Variants in ATP2C2 observed in about 807,000 individuals in gnomAD.
The protein encoded by ATP2C2 is ATPase secretory pathway Ca2+ transporting 2.
Under a neutral mutation model 110.8 loss-of-function variants are expected in ATP2C2, and 171 were observed. The ratio of observed to expected loss-of-function variants is 1.54; its 90% CI spans 1.36 to 1.75. The LOEUF (loss-of-function observed/expected upper bound fraction) is 1.75, where lower values mean the gene tolerates loss of function less well. ATP2C2 is among the 40% of genes most tolerant of loss of function. ATP2C2 has a pLI of 0.00. For missense variants in ATP2C2, 1,963 were observed against 1,235.0 expected (o/e 1.59, Z -8.84); for synonymous variants, 804 against 508.4 (o/e 1.58, Z -7.82).
intron 13 of ATP2C2, 98 bp from the exon 14 acceptor site, chr16:84,440,759 T>G: frequency 1.2e-6 from 1 of 858,900 alleles, no homozygotes; most frequent in Non-Finnish European, 1.9e-6. Context: ...TTTAGGATTG[T>G]GTCCCTGGAA....
intron 1 of ATP2C2, among the ~76,000 whole-genome samples, chr16:84,378,325 C>A (rs757250134): frequency 6.6e-6 from 1 of 152,170 alleles, no homozygotes; most frequent in African/African-American, 2.4e-5. Flanking sequence ...AGGGCCCCTC[C>A]GTCGCCGGCC....
chr16:84,392,474 C>T (rs1180666484), intron 1 of ATP2C2, among the ~76,000 whole-genome samples: 4 of 152,088 alleles, frequency 2.6e-5, no homozygotes, highest in Admixed American at 6.5e-5. Flanking sequence ...TTGTGTTTTT[C>T]GTTTTGAGAT....
At chr16:84,446,477 C>T (rs758892330) in intron 16 of ATP2C2, 47 bp downstream of exon 16, 1 of 1,395,592 alleles carries the variant, frequency 7.2e-7, no homozygotes, top group Non-Finnish European at 9.8e-7. Flanking sequence ...TGCCCGGGCC[C>T]CCACCCAGAG....
At chr16:84,372,947 C>G (rs1204946973) in intron 1 of ATP2C2, among the ~76,000 whole-genome samples, 1 of 150,966 alleles carries the variant, frequency 6.6e-6, no homozygotes, top group East Asian at 2.0e-4. Flanking sequence ...ATGGTGAAAC[C>G]CCTCTCTACT....
chr16:84,440,920 A>C lies in ATP2C2; in HGVS notation c.1273A>C (p.Lys425Gln), dbSNP rs1361868859. Residue 425 changes from lysine (K) to glutamine (Q), a missense_variant, in exon 14 of 27, where the codon AAG (lysine) becomes CAG (glutamine). Physicochemically the swap from Lys to Gln is moderately conservative, Grantham distance 53. Transcript: ENST00000262429. ...VCLLPSKEVI[K>Q]EFSNVSVGKL... The stretch of plus-strand genomic sequence containing the variant: ...TCTTCTACCATCCAAGGAAGTCATT[A>C]AGGAATTTTCCAATGTCTCAGTGGG... The C allele has an allele frequency of 6.2e-7, 1 of 1,613,474 alleles. No individual in the cohort carries two copies. Among genetic ancestry groups the C allele is most frequent in the Non-Finnish European group, 8.5e-7 (1 of 1,179,942 alleles).
In ATP2C2 at chr16:84,448,520, T is replaced by C. The variant is rs1437103356; in HGVS notation, c.1504-13T>C. ...CCAGTGATAGTGGATTTCTTCCCTT[T>C]GTCTTTTCTAAGGATCAGGAAGACA... On this transcript the variant is annotated splice_polypyrimidine_tract_variant and intron_variant, in intron 16 of 26. Transcript: ENST00000262429. 1.2e-6 allele frequency: 2 copies of C among 1,601,994 alleles called. No homozygotes were observed. The highest frequency in any genetic ancestry group is 1.7e-6 in the Non-Finnish European group (2 of 1,171,440).
At chr16:84,448,311 A>T (rs1456771047) in intron 16 of ATP2C2, among the ~76,000 whole-genome samples, 1 of 152,204 alleles carries the variant, frequency 6.6e-6, no homozygotes, top group South Asian at 2.1e-4. Context: ...TACAGGTTGA[A>T]GATTGGCCTT....
intron 6 of ATP2C2, among the ~76,000 whole-genome samples, chr16:84,411,075 G>C (rs1424013022): frequency 1.3e-5 from 2 of 152,164 alleles, no homozygotes; most frequent in African/African-American, 2.4e-5. Flanking sequence ...ATAATGTGCA[G>C]AACTGTGTGC....
At chr16:84,421,683 C>T (rs191430047) in intron 7 of ATP2C2, among the ~76,000 whole-genome samples, 2 of 152,136 alleles carry the variant, frequency 1.3e-5, no homozygotes, top group South Asian at 4.1e-4. Flanking sequence ...TTAAGAGTAT[C>T]GTTTCTGGAA....
Position 84,430,880 on chromosome 16 carries a change from A to T in ATP2C2, c.986+5079A>T, listed in dbSNP as rs542104186. On this transcript the variant is annotated intron_variant, in intron 11 of 26. Coordinates refer to ENST00000262429, the MANE Select transcript of ATP2C2 (RefSeq NM_014861.4). ...TTCAAACCACTGAAGCCTGATCCAA[A>T]GCCGGGCTCCTTGTCAGCAACCCAA... Among the ~76,000 whole-genome samples, 9 of 152,200 alleles carry T rather than the reference A, an allele frequency of 5.9e-5. No homozygotes were observed. In the East Asian group the frequency reaches 1.7e-3, roughly 29 times the overall value.
intron 2 of ATP2C2, among the ~76,000 whole-genome samples, chr16:84,400,986 A>C (rs1905282535): frequency 6.6e-6 from 1 of 152,150 alleles, no homozygotes; most frequent in African/African-American, 2.4e-5. Context: ...TCAGATGGGT[A>C]GTTTGCAAAT....
At chr16:84,454,200 T>G (rs949775752) in intron 20 of ATP2C2, among the ~76,000 whole-genome samples, 5 of 152,268 alleles carry the variant, frequency 3.3e-5, no homozygotes, top group African/African-American at 1.2e-4. Flanking sequence ...GTCAGCTGAT[T>G]CACAGGGTTG....
At chr16:84,400,633 T>C (rs767039404) in intron 2 of ATP2C2, among the ~76,000 whole-genome samples, 3 of 152,188 alleles carry the variant, frequency 2.0e-5, no homozygotes, top group Non-Finnish European at 4.4e-5. Context: ...AGCGTATTTT[T>C]AGTTTTTTGA....
chr16:84,427,699 A>G (rs2150551695), intron 11 of ATP2C2, among the ~76,000 whole-genome samples: 1 of 152,316 alleles, frequency 6.6e-6, no homozygotes, highest in South Asian at 2.1e-4. Flanking sequence ...CCTGGGTGAC[A>G]GAGCAAGAGA....
chr16:84,440,747 C>T (rs1035270924), intron 13 of ATP2C2, 110 bp from the exon 14 acceptor site: 97 of 776,254 alleles, frequency 1.2e-4, no homozygotes, highest in South Asian at 3.2e-4. Flanking sequence ...GCCCTGTCCA[C>T]GTTTAGGATT....
At chr16:84,377,144 G>C (rs1235488767) in intron 1 of ATP2C2, among the ~76,000 whole-genome samples, 1 of 152,110 alleles carries the variant, frequency 6.6e-6, no homozygotes, top group Non-Finnish European at 1.5e-5. Context: ...GCGAGTAGTG[G>C]AAGCCGTGTG....
Position 84,406,728 on chromosome 16 carries a change from T to G in ATP2C2, c.327+1484T>G, listed in dbSNP as rs1001215687. The G allele has an allele frequency of 6.9e-6, 6 of 874,750 alleles. No homozygotes were observed. The African/African-American group carries it at 7.3e-5, about 11-fold the overall frequency. The allele number at this position is 874,750 out of a possible 1,614,324, so 54.2% of individuals were successfully genotyped here. On this transcript the variant is annotated intron_variant, in intron 3 of 26. Coordinates refer to ENST00000262429, the MANE Select transcript of ATP2C2 (RefSeq NM_014861.4). ...AAGAGGCAGTGGAGGCTCCCGGAAG[T>G]TGGGGTTCAGGGAAGGAGGCCGAGA... is the stretch of plus-strand genomic sequence containing the variant.
At chr16:84,368,821 C>T in intron 1 of ATP2C2, 107 bp downstream of exon 1, 2 of 940,348 alleles carry the variant, frequency 2.1e-6, no homozygotes, top group South Asian at 1.6e-5. Context: ...TCCGCGAACT[C>T]GCCCTCCTCC....
intron 21 of ATP2C2, 82 bp downstream of exon 21, chr16:84,455,066 A>T: frequency 2.4e-5 from 31 of 1,283,974 alleles, no homozygotes; most frequent in East Asian, 6.3e-5. Flanking sequence ...TACTGTGGAG[A>T]TAGAGGGGGG....
Sources: gnomAD v4.1 joint callset for allele counts (sites outside exome capture counted in the v4.1 genomes callset) on GRCh38, gnomAD v4.1.1 for gene constraint, MANE v1.5 for transcripts, NCBI Gene and HGNC (gene_info 2026-07-23, HGNC 2026-07-21) for gene names.